Variants in NPRL3 observed in about 807,000 individuals in gnomAD.
NPRL3 encodes GATOR1 complex protein NPRL3.
Under a neutral mutation model 57.2 loss-of-function variants are expected in NPRL3, and 23 were observed. The ratio of observed to expected loss-of-function variants is 0.40; its 90% confidence interval spans 0.29 to 0.57. The LOEUF is 0.57. NPRL3 is among the 20% of genes least tolerant of loss of function. NPRL3 has a pLI of 0.42. For missense variants in NPRL3, 691 were observed against 767.1 expected (o/e 0.90, Z 1.17); for synonymous variants, 333 against 321.1 (o/e 1.04, Z -0.39).
intron 2 of NPRL3, 60 bp from the exon 3 acceptor site, chr16:130,651 G>A (rs1567148240): frequency 6.7e-7 from 1 of 1,497,022 alleles, no homozygotes; most frequent in Non-Finnish European, 9.1e-7. Context: ...ACACACAGGA[G>A]GGTTATGGAA....
At chr16:107,071 G>A (rs368501067) in intron 7 of NPRL3, among the ~76,000 whole-genome samples, 170 of 152,328 alleles carry the variant, frequency 1.1e-3, no homozygotes, top group Middle Eastern at 3.4e-3. Context: ...CTGTTAGGGT[G>A]GGAGTTTGGA....
At chr16:88,974 C>G in intron 12 of NPRL3, 84 bp from the exon 13 acceptor site, 1 of 1,219,476 alleles carries the variant, frequency 8.2e-7, no homozygotes, top group South Asian at 1.4e-5. Flanking sequence ...CAGCCAGCCT[C>G]CAATGACACC....
At chr16:87,607 T>TAGTG (rs1254419790) in intron 13 of NPRL3, among the ~76,000 whole-genome samples, 1 of 149,316 alleles carries the variant, frequency 6.7e-6, no homozygotes, top group East Asian at 2.0e-4. Context: ...CGATCTGGGC[T>TAGTG]CACTGCAACT....
chr16:95,342 T>TACACACAC (rs1296717310), intron 9 of NPRL3, among the ~76,000 whole-genome samples: 2 of 55,582 alleles, frequency 3.6e-5, no homozygotes, highest in Non-Finnish European at 4.7e-5. Flanking sequence ...TATATATATA[T>TACACACAC]ATATATATAC....
intron 12 of NPRL3, 22 bp from the exon 13 acceptor site, chr16:88,912 G>A (rs773359784): frequency 3.8e-6 from 6 of 1,597,280 alleles, no homozygotes; most frequent in Admixed American, 1.7e-5. Context: ...ATGGGTCAGG[G>A]TGACCAAGTG....
chr16:116,919 G>A (rs1321421757), intron 5 of NPRL3, among the ~76,000 whole-genome samples: 2 of 151,390 alleles, frequency 1.3e-5, no homozygotes, highest in African/African-American at 4.9e-5. Context: ...GGGTTGCATT[G>A]AGCCAAGATT....
At chr16:98,788 A>T (rs1899141492) in intron 8 of NPRL3, among the ~76,000 whole-genome samples, 1 of 152,194 alleles carries the variant, frequency 6.6e-6, no homozygotes, top group African/African-American at 2.4e-5. Flanking sequence ...AAATAAAAAA[A>T]TTATCCGGGT....
At chr16:120,901 C>T (rs974569564) in intron 3 of NPRL3, among the ~76,000 whole-genome samples, 6 of 152,194 alleles carry the variant, frequency 3.9e-5, no homozygotes, top group Non-Finnish European at 7.3e-5. Flanking sequence ...GGTATTAAAA[C>T]GCCACCAAAC....
intron 13 of NPRL3, 105 bp downstream of exon 13, chr16:88,593 C>G: frequency 4.9e-6 from 5 of 1,013,646 alleles, no homozygotes; most frequent in Non-Finnish European, 7.3e-6. Context: ...AACAGGGCCC[C>G]ATCTGTTCTC....
chr16:109,009 C>A (rs8058436), intron 7 of NPRL3, among the ~76,000 whole-genome samples: 2,716 of 150,904 alleles, frequency 0.018, 79 homozygotes, highest in African/African-American at 0.063. Context: ...GGCTCTGTTG[C>A]TGGGGCCAGA....
chr16:98,061 G>C, intron 9 of NPRL3, 84 bp downstream of exon 9: 1 of 1,517,232 alleles, frequency 6.6e-7, no homozygotes, highest in Non-Finnish European at 9.0e-7. Context: ...CACAGCCCCT[G>C]TGGATGTACT....
At chr16:115,161 GA>G (rs1899975699) in intron 5 of NPRL3, among the ~76,000 whole-genome samples, 1 of 151,820 alleles carries the variant, frequency 6.6e-6, no homozygotes, top group Non-Finnish European at 1.5e-5. Flanking sequence ...TTTTTGTAGA[GA>G]TGGGGTTTCG....
chr16:112,600 C>A, intron 6 of NPRL3, 22 bp downstream of exon 6: 1 of 1,527,400 alleles, frequency 6.5e-7, no homozygotes, highest in Non-Finnish European at 8.8e-7. Context: ...GACCCATGCC[C>A]ATCACGCCCT....
At chr16:130,125 G>C (rs900087024) in intron 3 of NPRL3, among the ~76,000 whole-genome samples, 1 of 152,102 alleles carries the variant, frequency 6.6e-6, no homozygotes, top group African/African-American at 2.4e-5. Context: ...ACCAAGAAGG[G>C]ACTTGACCAG....
At chr16:118,382 G>T (rs1295930016) in intron 4 of NPRL3, among the ~76,000 whole-genome samples, 6 of 152,052 alleles carry the variant, frequency 3.9e-5, no homozygotes, top group African/African-American at 1.2e-4. Flanking sequence ...ATATAGAGAG[G>T]GTTTAGCAGA....
At chr16:133,729 A>G (rs1298105511) in intron 2 of NPRL3, among the ~76,000 whole-genome samples, 1 of 152,206 alleles carries the variant, frequency 6.6e-6, no homozygotes, top group Admixed American at 6.5e-5. Context: ...TGTTTTGTGC[A>G]AGCAGACTAG....
At chr16:100,540 C>A (rs1899237358) in intron 7 of NPRL3, 31 bp from the exon 8 acceptor site, 2 of 1,497,400 alleles carry the variant, frequency 1.3e-6, no homozygotes, top group East Asian at 2.4e-5. Flanking sequence ...TACCCGTTCA[C>A]ATAAACTTTC....
At chr16:97,789 C>A (rs1476753127) in intron 9 of NPRL3, among the ~76,000 whole-genome samples, 1 of 152,168 alleles carries the variant, frequency 6.6e-6, no homozygotes, top group Non-Finnish European at 1.5e-5. Context: ...TGTTCATGCA[C>A]CACTGTGAGA....
intron 3 of NPRL3, among the ~76,000 whole-genome samples, chr16:122,919 G>C (rs557596600): frequency 6.6e-6 from 1 of 152,304 alleles, no homozygotes; most frequent in East Asian, 1.9e-4. Flanking sequence ...CCAAGGCCCA[G>C]AGGAGATGCA....
Sources: gnomAD v4.1 joint callset for allele counts (sites outside exome capture counted in the v4.1 genomes callset) on GRCh38, gnomAD v4.1.1 for gene constraint, MANE v1.5 for transcripts, NCBI Gene and HGNC (gene_info 2026-07-23, HGNC 2026-07-21) for gene names.